The following IL1RAPL1 variants were observed in gnomAD, a reference collection of about 807,000 sequenced individuals.
IL1RAPL1 encodes the protein interleukin-1 receptor accessory protein-like 1.
A neutral mutation model predicts 48.4 loss-of-function variants in IL1RAPL1; 3 were observed. The observed-to-expected ratio is 0.06, with a 90% CI of 0.03 to 0.16. The LOEUF (loss-of-function observed/expected upper bound fraction) is 0.16, where lower values mean the gene tolerates loss of function less well. Ranked by LOEUF, IL1RAPL1 falls within the 10% of genes least tolerant of loss-of-function variation. The pLI is 1.00. For missense variants in IL1RAPL1, 349 were observed against 530.6 expected, an observed-to-expected ratio of 0.66 and a Z score of 3.36; for synonymous variants, 185 against 187.7, an observed-to-expected ratio of 0.99 and a Z score of 0.12.
intron 5 of IL1RAPL1, among the ~76,000 whole-genome samples, chrX:29,572,244 A>G (rs1360409276): frequency 1.8e-5 from 2 of 112,366 alleles, no homozygotes; most frequent in Non-Finnish European, 3.8e-5. Flanking sequence ...ATTAAAGCAT[A>G]TAATCATTCA....
chrX:28,686,100 T>C (rs1353042099), intron 1 of IL1RAPL1, among the ~76,000 whole-genome samples: 1 of 112,059 alleles, frequency 8.9e-6, no homozygotes, highest in Non-Finnish European at 1.9e-5. Flanking sequence ...CTAAATTTTC[T>C]TGGGATCATG....
chrX:29,287,694 C>T (rs1932304811), intron 3 of IL1RAPL1, among the ~76,000 whole-genome samples: 1 of 111,903 alleles, frequency 8.9e-6, no homozygotes, highest in Non-Finnish European at 1.9e-5. Flanking sequence ...GTTGATTTGC[C>T]ATCTCTCTTC....
chrX:29,351,115 A>T (rs1021201479), intron 3 of IL1RAPL1, among the ~76,000 whole-genome samples: 1 of 111,842 alleles, frequency 8.9e-6, no homozygotes, highest in Admixed American at 9.5e-5. Flanking sequence ...TACATTTAGG[A>T]TAGTGTGCTT....
chrX:28,801,355 AT>A (rs1936673331), intron 2 of IL1RAPL1, among the ~76,000 whole-genome samples: 2 of 111,400 alleles, frequency 1.8e-5, no homozygotes, highest in Non-Finnish European at 3.8e-5. Context: ...TTTTTTTCCA[AT>A]CAAAAACTTC....
intron 2 of IL1RAPL1, among the ~76,000 whole-genome samples, chrX:29,244,445 T>A (rs1265205409): frequency 8.9e-6 from 1 of 112,399 alleles, no homozygotes; most frequent in African/African-American, 3.2e-5. Context: ...AGCATTTTGA[T>A]GGGAGAATTA....
At chrX:28,997,959 G>A (rs1033285434) in intron 2 of IL1RAPL1, among the ~76,000 whole-genome samples, 4 of 112,104 alleles carry the variant, frequency 3.6e-5, no homozygotes, top group African/African-American at 1.3e-4. Flanking sequence ...GGCTAAAGCA[G>A]CTGGTCTCTG....
chrX:28,786,176 A>G (rs2147263742), intron 1 of IL1RAPL1, among the ~76,000 whole-genome samples: 1 of 111,952 alleles, frequency 8.9e-6, no homozygotes, highest in South Asian at 3.7e-4. Flanking sequence ...AATTAACTGC[A>G]ATAACAACAA....
chrX:29,639,292 G>A (rs1440425140), intron 5 of IL1RAPL1, among the ~76,000 whole-genome samples: 1 of 111,422 alleles, frequency 9.0e-6, no homozygotes, highest in Non-Finnish European at 1.9e-5. Flanking sequence ...GACATGCCTG[G>A]CTCTAATTGT....
chrX:29,720,611 G>A lies in IL1RAPL1; in HGVS notation c.778+52107G>A, dbSNP rs182887759. ...CACACTGGGGCCTGTTATGGGGTGG[G>A]GGTCTAGGGGAGGCATAGCACTAGG... On this transcript the variant is annotated intron_variant, in intron 6 of 10. Transcript: ENST00000378993. Among the ~76,000 whole-genome samples, 567 of 110,650 alleles carry A rather than the reference G, an allele frequency of 5.1e-3. 3 individuals carry two copies. Among genetic ancestry groups the A allele is most frequent in the African/African-American group, 0.017 (527 of 30,329 alleles).
At chrX:29,139,134 C>G (rs1183366696) in intron 2 of IL1RAPL1, among the ~76,000 whole-genome samples, 1 of 111,554 alleles carries the variant, frequency 9.0e-6, no homozygotes, top group Non-Finnish European at 1.9e-5. Context: ...CATGGTCACT[C>G]ATTTCTCCAT....
At chrX:29,945,730 AT>A (rs1933202990) in intron 9 of IL1RAPL1, among the ~76,000 whole-genome samples, 1 of 112,038 alleles carries the variant, frequency 8.9e-6, no homozygotes, top group African/African-American at 3.2e-5. Context: ...TCAGGGACAC[AT>A]TCACTCAGTT....
At chrX:28,933,632 A>G (rs1601964693) in intron 2 of IL1RAPL1, among the ~76,000 whole-genome samples, 1 of 111,438 alleles carries the variant, frequency 9.0e-6, no homozygotes, top group African/African-American at 3.3e-5. Flanking sequence ...CACACAAGAA[A>G]GTATTCGGGG....
intron 3 of IL1RAPL1, among the ~76,000 whole-genome samples, chrX:29,362,422 G>A (rs139068424): frequency 0.017 from 1,885 of 111,963 alleles, 30 homozygotes; most frequent in African/African-American, 0.057. Flanking sequence ...CCTGGGTACC[G>A]CTGATTTTGG....
At chrX:29,585,186 G>A (rs995931884) in intron 5 of IL1RAPL1, among the ~76,000 whole-genome samples, 2 of 111,623 alleles carry the variant, frequency 1.8e-5, no homozygotes, top group Non-Finnish European at 3.8e-5. Flanking sequence ...ATATTGATTA[G>A]TAATTCCCAT....
At chrX:28,608,101 A>C (rs1457283037) in intron 1 of IL1RAPL1, among the ~76,000 whole-genome samples, 1 of 111,749 alleles carries the variant, frequency 8.9e-6, no homozygotes, top group East Asian at 2.8e-4. Flanking sequence ...TTCCCACTAT[A>C]GTGGATCATA....
chrX:28,629,006 C>A (rs140409632), intron 1 of IL1RAPL1, among the ~76,000 whole-genome samples: 1,525 of 111,430 alleles, frequency 0.014, 34 homozygotes, highest in African/African-American at 0.047. Context: ...GGAAGAAGAC[C>A]AGCAAAATAA....
chrX:28,898,176 C>T (rs1268731248), intron 2 of IL1RAPL1, among the ~76,000 whole-genome samples: 2 of 111,999 alleles, frequency 1.8e-5, no homozygotes, highest in Non-Finnish European at 3.8e-5. Flanking sequence ...ACACAAATCC[C>T]TTATACATAT....
intron 2 of IL1RAPL1, among the ~76,000 whole-genome samples, chrX:28,842,749 T>C (rs1447699507): frequency 8.9e-6 from 1 of 111,814 alleles, no homozygotes. Flanking sequence ...AATGAGTAAG[T>C]CTATTTATTT....
intron 2 of IL1RAPL1, among the ~76,000 whole-genome samples, chrX:28,938,137 T>C (rs1213231682): frequency 9.0e-6 from 1 of 111,309 alleles, no homozygotes; most frequent in Non-Finnish European, 1.9e-5. Context: ...AAACTAACAA[T>C]GATGTTTTTC....
Sources: allele counts gnomAD v4.1 joint callset (sites outside exome capture counted in the v4.1 genomes callset), GRCh38; gene constraint gnomAD v4.1.1; transcripts MANE v1.5; gene names NCBI Gene and HGNC (gene_info 2026-07-23, HGNC 2026-07-21).